SYNPR: variants seen among roughly 807,000 people sequenced by gnomAD.
SYNPR encodes synaptoporin.
Under a neutral mutation model 32.9 loss-of-function variants are expected in SYNPR, and 23 were observed. The ratio of observed to expected loss-of-function variants is 0.70; its 90% CI spans 0.50 to 0.99. The LOEUF is 0.99. SYNPR is among the 50% of genes least tolerant of loss of function. The pLI is 0.00. For missense variants in SYNPR, 318 were observed against 349.3 expected (o/e 0.91, Z 0.71); for synonymous variants, 146 against 135.9 (o/e 1.07, Z -0.52).
intron 4 of SYNPR, among the ~76,000 whole-genome samples, chr3:63,557,451 C>G (rs1702614488): frequency 6.6e-6 from 1 of 152,150 alleles, no homozygotes. Context: ...TATTTACCAA[C>G]TCAAGTCTTA....
intron 1 of SYNPR, among the ~76,000 whole-genome samples, chr3:63,247,489 A>T (rs1298373766): frequency 6.6e-6 from 1 of 152,088 alleles, no homozygotes; most frequent in African/African-American, 2.4e-5. Flanking sequence ...CTGAATTATG[A>T]AGCATAAAGT....
intron 2 of SYNPR, among the ~76,000 whole-genome samples, chr3:63,454,028 GTTAC>G (rs1301088324): frequency 6.6e-6 from 1 of 152,040 alleles, no homozygotes; most frequent in Admixed American, 6.6e-5. Context: ...TACAGTTCTT[GTTAC>G]TTCATTCATT....
chr3:63,239,352 C>T (rs1560165309), intron 1 of SYNPR, among the ~76,000 whole-genome samples: 1 of 151,604 alleles, frequency 6.6e-6, no homozygotes. Context: ...CCCATCCTAC[C>T]ATTGTCACCC....
intron 4 of SYNPR, among the ~76,000 whole-genome samples, chr3:63,584,194 A>T (rs1282037033): frequency 6.6e-6 from 1 of 152,046 alleles, no homozygotes; most frequent in Non-Finnish European, 1.5e-5. Flanking sequence ...AGCCTTAAGG[A>T]GGGCCTTCAT....
chr3:63,572,829 T>C (rs897291246), intron 4 of SYNPR, among the ~76,000 whole-genome samples: 1 of 152,176 alleles, frequency 6.6e-6, no homozygotes, highest in African/African-American at 2.4e-5. Flanking sequence ...TTTATGAACT[T>C]AGACCTCCAG....
chr3:63,499,261 G>C (rs1701433519), intron 3 of SYNPR, among the ~76,000 whole-genome samples: 1 of 152,222 alleles, frequency 6.6e-6, no homozygotes, highest in East Asian at 1.9e-4. Context: ...GAAGTTTTGG[G>C]GTCCAAGAAC....
chr3:63,475,297 G>C (rs1024653351), intron 2 of SYNPR, among the ~76,000 whole-genome samples: 1 of 152,136 alleles, frequency 6.6e-6, no homozygotes, highest in African/African-American at 2.4e-5. Context: ...TTCATTGCAG[G>C]TGATTTATTT....
At chr3:63,522,745 A>C (rs1015225694) in intron 3 of SYNPR, among the ~76,000 whole-genome samples, 1 of 151,970 alleles carries the variant, frequency 6.6e-6, no homozygotes, top group African/African-American at 2.4e-5. Context: ...AAGCATCCCC[A>C]GCACAAAACA....
intron 2 of SYNPR, among the ~76,000 whole-genome samples, chr3:63,417,568 C>A (rs1294511794): frequency 2.0e-5 from 3 of 152,260 alleles, no homozygotes; most frequent in African/African-American, 7.2e-5. Context: ...ACTTCCCTAG[C>A]AGACTTCTCC....
chr3:63,279,006 G>A (rs1030943872), intron 2 of SYNPR, among the ~76,000 whole-genome samples: 2 of 152,170 alleles, frequency 1.3e-5, no homozygotes, highest in South Asian at 4.1e-4. Flanking sequence ...TTGCAGACGC[G>A]CAGGGGCTGT....
At chr3:63,326,139 C>G (rs2087164949) in intron 2 of SYNPR, among the ~76,000 whole-genome samples, 1 of 151,986 alleles carries the variant, frequency 6.6e-6, no homozygotes, top group Non-Finnish European at 1.5e-5. Flanking sequence ...CACACATGAT[C>G]TTATTTGATC....
chr3:63,425,791 T>TC (rs1274479651), intron 2 of SYNPR, among the ~76,000 whole-genome samples: 3 of 151,742 alleles, frequency 2.0e-5, no homozygotes, highest in Admixed American at 2.0e-4. Context: ...TTTTTTTTTT[T>TC]TTTTTTAGTA....
intron 3 of SYNPR, among the ~76,000 whole-genome samples, chr3:63,512,864 A>G (rs1701723523): frequency 6.6e-6 from 1 of 152,168 alleles, no homozygotes; most frequent in Non-Finnish European, 1.5e-5. Flanking sequence ...ACAGAAAACT[A>G]ATACGGGGTT....
chr3:63,561,799 G>C (rs1303087758), intron 4 of SYNPR, among the ~76,000 whole-genome samples: 1 of 152,128 alleles, frequency 6.6e-6, no homozygotes, highest in Non-Finnish European at 1.5e-5. Flanking sequence ...ACCAGGATTT[G>C]TTCCTATGCA....
At chr3:63,273,906 T>C (rs895527252), upstream of SYNPR, among the ~76,000 whole-genome samples, 2 of 152,240 alleles carry the variant, frequency 1.3e-5, no homozygotes, top group Non-Finnish European at 2.9e-5. Flanking sequence ...GCTATACTTA[T>C]TCTAACATTA....
At chr3:63,595,848 TA>T (rs1699947277) in intron 4 of SYNPR, among the ~76,000 whole-genome samples, 7 of 80,820 alleles carry the variant, frequency 8.7e-5, no homozygotes, top group East Asian at 4.0e-4. Context: ...TATATAGTTT[TA>T]TATATATATA....
At chr3:63,261,572 G>A (rs1373048887) in intron 2 of SYNPR, among the ~76,000 whole-genome samples, 5 of 100,998 alleles carry the variant, frequency 5.0e-5, no homozygotes, top group African/African-American at 1.9e-4. Context: ...GTCATGGGGT[G>A]GGGGGAGGGG....
the SYNPR span, among the ~76,000 whole-genome samples, chr3:63,221,170 G>A: frequency 6.6e-6 from 1 of 152,188 alleles, no homozygotes; most frequent in East Asian, 1.9e-4. Context: ...TTGGGTAAAT[G>A]ACTTTAGTGT....
At chr3:63,412,094 G>A (rs2088474250) in intron 2 of SYNPR, among the ~76,000 whole-genome samples, 1 of 152,084 alleles carries the variant, frequency 6.6e-6, no homozygotes, top group Non-Finnish European at 1.5e-5. Context: ...GCAAATCAAT[G>A]GAACTTCACA....
Sources: allele counts gnomAD v4.1 joint callset (sites outside exome capture counted in the v4.1 genomes callset), GRCh38; gene constraint gnomAD v4.1.1; transcripts MANE v1.5; gene names NCBI Gene and HGNC (gene_info 2026-07-23, HGNC 2026-07-21).